CD109: variants seen among roughly 807,000 people sequenced by gnomAD.
CD109 encodes the protein CD109 antigen.
A neutral mutation model predicts 165.8 loss-of-function variants in CD109; 149 were observed. That is an observed-to-expected ratio of 0.90 (90% CI 0.79 to 1.03). The LOEUF is 1.03. Among genes scored for constraint, CD109 ranks in the 50% least tolerant of loss-of-function variants. CD109 has a pLI of 0.00. For missense variants in CD109, 1,712 were observed against 1,677.8 expected (o/e 1.02, Z -0.36); for synonymous variants, 585 against 592.1 (o/e 0.99, Z 0.18).
chr6:73,714,791 G>A (rs888575187), intron 2 of CD109, among the ~76,000 whole-genome samples: 11 of 152,350 alleles, frequency 7.2e-5, no homozygotes, highest in African/African-American at 2.6e-4. Context: ...CATGGAAGAA[G>A]AATCCACAGG....
At chr6:73,734,634 G>A (rs867658831) in intron 4 of CD109, among the ~76,000 whole-genome samples, 7 of 152,134 alleles carry the variant, frequency 4.6e-5, no homozygotes, top group Non-Finnish European at 8.8e-5. Context: ...TTCTTGACTT[G>A]CTTTTGGTCT....
chr6:73,728,087 G>A (rs905199813), intron 3 of CD109, among the ~76,000 whole-genome samples: 6 of 152,114 alleles, frequency 3.9e-5, no homozygotes, highest in Non-Finnish European at 7.4e-5. Context: ...TTGGGAGGCC[G>A]AGGTGGGTGG....
At chr6:73,736,606 A>C in intron 5 of CD109, 98 bp downstream of exon 5, 1 of 1,016,114 alleles carries the variant, frequency 9.8e-7, no homozygotes, top group Non-Finnish European at 1.4e-6. Context: ...GAAGAGAAAA[A>C]AATTAATGTG....
At chr6:73,820,635 A>C (rs1465105775) in intron 32 of CD109, 72 bp downstream of exon 32, 1 of 918,550 alleles carries the variant, frequency 1.1e-6, no homozygotes, top group Non-Finnish European at 1.7e-6. Context: ...GGAAGTGACC[A>C]CACATTGGAT....
chr6:73,784,252 G>T (rs1454555899), intron 19 of CD109, among the ~76,000 whole-genome samples: 1 of 152,076 alleles, frequency 6.6e-6, no homozygotes. Context: ...TGTTTCCTAA[G>T]CCAGTCACTG....
chr6:73,769,766 A>G (rs1476755021), intron 14 of CD109, among the ~76,000 whole-genome samples: 1 of 152,242 alleles, frequency 6.6e-6, no homozygotes, highest in Admixed American at 6.5e-5. Flanking sequence ...GGTACAGAGT[A>G]TAGAGTGAGA....
chr6:73,684,604 T>C, the CD109 span, among the ~76,000 whole-genome samples: 3 of 152,290 alleles, frequency 2.0e-5, no homozygotes, highest in East Asian at 5.8e-4. Context: ...TCCCTGATGA[T>C]TAGTGGTATT....
intron 3 of CD109, among the ~76,000 whole-genome samples, chr6:73,727,375 G>C (rs1445648411): frequency 6.6e-6 from 1 of 152,048 alleles, no homozygotes; most frequent in Non-Finnish European, 1.5e-5. Flanking sequence ...TCTCTGGGTG[G>C]CTTGCCCTGG....
At chr6:73,723,829 G>T (rs1242445994) in intron 3 of CD109, among the ~76,000 whole-genome samples, 1 of 151,962 alleles carries the variant, frequency 6.6e-6, no homozygotes, top group South Asian at 2.1e-4. Context: ...TAATCTGTGC[G>T]ACAACCCCCA....
chr6:73,810,742 CAT>C (rs372205404), intron 27 of CD109, among the ~76,000 whole-genome samples: 9 of 152,126 alleles, frequency 5.9e-5, no homozygotes, highest in African/African-American at 1.9e-4. Flanking sequence ...AATAGCATAA[CAT>C]GTGAACTGTT....
intron 15 of CD109, among the ~76,000 whole-genome samples, chr6:73,777,928 A>T (rs927015942): frequency 6.6e-6 from 1 of 152,152 alleles, no homozygotes; most frequent in Admixed American, 6.5e-5. Flanking sequence ...ATTTTAAAAT[A>T]GTTTTCTCTC....
chr6:73,762,923 C>T lies in CD109; in HGVS notation c.997+41C>T, dbSNP rs1773690204. On this transcript the variant is annotated intron_variant, in intron 9 of 32. Coordinates refer to ENST00000287097, the MANE Select transcript of CD109 (RefSeq NM_133493.5). ...AGTGGAGGTAAAACTATTCATGTGA[C>T]ACTGCTTTATCATCTTTCTTATTAT... The T allele has an allele frequency of 2.6e-6, 4 of 1,532,854 alleles. No individual in the cohort carries two copies. The East Asian group carries it at 9.2e-5, about 35-fold the overall frequency. 95.0% of individuals were successfully genotyped at this position (1,532,854 alleles called of 1,614,324 possible).
At position 73,759,163 on chromosome 6, in the gene CD109, A is replaced by G. The variant is rs1429423580; in HGVS notation, c.758+135A>G. 2.3e-5 allele frequency: 14 copies of G among 619,582 alleles called. No homozygotes were observed. In the South Asian group the frequency reaches 2.4e-4, roughly 11 times the overall value. 38.4% of individuals were successfully genotyped at this position (619,582 alleles called of 1,614,324 possible). A position where few individuals can be genotyped will look rare whatever the true frequency, so the allele number is the denominator to read the frequency against. On this transcript the variant is annotated intron_variant, in intron 7 of 32. Transcript: ENST00000287097. Reference sequence around the variant, plus strand: ...CTTAGTGGACAGTAAATGACTATTTATAATAAATAATTAAGCATGGGACAG... The same window carrying G: ...CTTAGTGGACAGTAAATGACTATTTGTAATAAATAATTAAGCATGGGACAG...
At chr6:73,753,779 G>A (rs1582104892) in intron 5 of CD109, among the ~76,000 whole-genome samples, 2 of 152,204 alleles carry the variant, frequency 1.3e-5, no homozygotes, top group South Asian at 4.1e-4. Flanking sequence ...CCTCTTCAGG[G>A]TTGTTTGATC....
intron 15 of CD109, among the ~76,000 whole-genome samples, chr6:73,778,569 G>C (rs571460355): frequency 1.3e-5 from 2 of 152,340 alleles, no homozygotes; most frequent in South Asian, 4.1e-4. Context: ...TTTTGTGACA[G>C]AGTTGGAGTC....
intron 2 of CD109, among the ~76,000 whole-genome samples, chr6:73,698,782 C>T (rs1263744111): frequency 6.6e-6 from 1 of 152,090 alleles, no homozygotes; most frequent in Non-Finnish European, 1.5e-5. Context: ...TCTTATTTCC[C>T]TGGAGGGGAA....
Position 73,787,310 on chromosome 6 carries a change from A to T in CD109, c.2414A>T (p.Gln805Leu). 1.2e-6 allele frequency: 2 copies of T among 1,614,138 alleles called. No homozygotes were observed. The highest frequency in any genetic ancestry group is 1.7e-6 in the Non-Finnish European group (2 of 1,179,966). Residue 805 changes from glutamine to leucine, a missense_variant, in exon 21 of 33, where the codon CAG (glutamine) becomes CTG (leucine). By Grantham distance (113) the Gln-to-Leu change is moderately radical. Coordinates refer to ENST00000287097, the MANE Select transcript of CD109 (RefSeq NM_133493.5). ...AATGAAATAAATGCCACAGGCCACCAGCAGACCCTTCTGGTTCCCAGTGAG... is the reference window on the plus strand; with the variant it reads ...AATGAAATAAATGCCACAGGCCACCTGCAGACCCTTCTGGTTCCCAGTGAG... ...TSNEINATGH[Q>L]QTLLVPSEDG...
At chr6:73,736,535 G>T in intron 5 of CD109, 27 bp downstream of exon 5, 2 of 1,593,104 alleles carry the variant, frequency 1.3e-6, no homozygotes, top group Non-Finnish European at 8.5e-7. Context: ...TTTTTGGGGG[G>T]AATGTTAAAG....
intron 11 of CD109, 95 bp downstream of exon 11, chr6:73,766,249 T>G: frequency 1.1e-6 from 1 of 924,032 alleles, no homozygotes; most frequent in East Asian, 2.6e-5. Context: ...TGAAAGTACA[T>G]AGGAAGTGGA....
Sources: gnomAD v4.1 joint callset for allele counts (sites outside exome capture counted in the v4.1 genomes callset) on GRCh38, gnomAD v4.1.1 for gene constraint, MANE v1.5 for transcripts, NCBI Gene and HGNC (gene_info 2026-07-23, HGNC 2026-07-21) for gene names.